Variants in CACNG3 observed in about 807,000 individuals in gnomAD.
CACNG3 encodes the protein voltage-dependent calcium channel gamma-3 subunit.
A neutral mutation model predicts 28.5 loss-of-function variants in CACNG3; 3 were observed. The observed-to-expected ratio is 0.11, with a 90% CI of 0.05 to 0.27. The LOEUF (loss-of-function observed/expected upper bound fraction) is 0.27. Ranked by LOEUF, CACNG3 falls within the 10% of genes least tolerant of loss-of-function variation. The pLI is 1.00. For synonymous variants in CACNG3, 174 were observed against 162.2 expected, an observed-to-expected ratio of 1.07 and a Z score of -0.55; for missense variants, 236 against 414.4, an observed-to-expected ratio of 0.57 and a Z score of 3.74.
chr16:24,305,320 ATGTGTGTGTGTGTGTGTG>A (rs57584370), intron 1 of CACNG3, among the ~76,000 whole-genome samples: 11,531 of 136,176 alleles, frequency 0.085, 597 homozygotes, highest in Non-Finnish European at 0.11. Flanking sequence ...ATACATAAAT[ATGTGTGTGTGTGTGTGTG>A]TGTGTGTGTG....
intron 1 of CACNG3, among the ~76,000 whole-genome samples, chr16:24,278,239 C>G (rs1898777479): frequency 6.6e-6 from 1 of 152,018 alleles, no homozygotes; most frequent in African/African-American, 2.4e-5. Flanking sequence ...TAAGAGCTTC[C>G]AATAAGACTG....
intron 1 of CACNG3, among the ~76,000 whole-genome samples, chr16:24,317,607 A>G (rs1567217434): frequency 9.4e-5 from 7 of 74,174 alleles, no homozygotes; most frequent in East Asian, 3.5e-4. Context: ...AGAAAGAAAG[A>G]AAGAAAGAAA....
chr16:24,258,297 A>G, intron 1 of CACNG3, among the ~76,000 whole-genome samples: 1 of 152,158 alleles, frequency 6.6e-6, no homozygotes, highest in East Asian at 1.9e-4. Flanking sequence ...TAGCGCTACT[A>G]CAATTGATTC....
intron 1 of CACNG3, among the ~76,000 whole-genome samples, chr16:24,329,816 C>G (rs1899608556): frequency 6.6e-6 from 1 of 152,158 alleles, no homozygotes; most frequent in African/African-American, 2.4e-5. Context: ...AGGTGGATTA[C>G]TTGAGGTCAG....
Position 24,256,732 on chromosome 16 carries a change from C to T in CACNG3, c.-23C>T. The T allele has an allele frequency of 1.3e-6, 2 of 1,538,264 alleles. No individual in the cohort carries two copies. The highest frequency in any genetic ancestry group is 1.8e-6 in the Non-Finnish European group (2 of 1,111,278). On this transcript the variant is annotated 5_prime_UTR_variant, in exon 1 of 4. Coordinates refer to ENST00000005284, the MANE Select transcript of CACNG3 (RefSeq NM_006539.4). The surrounding 1 kb of genome is among the most constrained non-coding windows in gnomAD (Gnocchi z 4.6). ...TGACTCTCCCCCTCCAACCCCCAGC[C>T]GTCCAGAGTACCATGAAGAATTATG...
chr16:24,272,365 A>C (rs2141347884), intron 1 of CACNG3, among the ~76,000 whole-genome samples: 1 of 152,204 alleles, frequency 6.6e-6, no homozygotes, highest in Non-Finnish European at 1.5e-5. Context: ...AATAGCCAAT[A>C]AATCTCTCTC....
chr16:24,313,073 G>GAGGAAGGAAGGAAGGAAGGA (rs71154300), intron 1 of CACNG3, among the ~76,000 whole-genome samples: 7,825 of 137,830 alleles, frequency 0.057, 365 homozygotes, highest in African/African-American at 0.083. Context: ...GCGAGGGAGG[G>GAGGAAGGAAGGAAGGAAGGA]AGGAAGGAAG....
At position 24,278,597 on chromosome 16, in the gene CACNG3, A is replaced by G. The variant is rs1898781941; in HGVS notation, c.211+21632A>G. ...CACCACTGCACTCCAGCCTGGCGAC[A>G]GAGGGAGACTCTGTCTAAAAATAAT... is the stretch of plus-strand genomic sequence containing the variant. On this transcript the variant is annotated intron_variant, in intron 1 of 3. Transcript: ENST00000005284. Among the ~76,000 whole-genome samples the G allele has an allele frequency of 1.3e-5, 2 of 152,180 alleles. 1 individual carries two copies. Among genetic ancestry groups the G allele is most frequent in the African/African-American group, 4.8e-5 (2 of 41,432 alleles).
chr16:24,269,861 T>G (rs1388175392), intron 1 of CACNG3, among the ~76,000 whole-genome samples: 1 of 150,842 alleles, frequency 6.6e-6, no homozygotes, highest in Non-Finnish European at 1.5e-5. Flanking sequence ...TGTTCATTTG[T>G]TGTTTTTTTT....
At chr16:24,340,613 A>G (rs1899772712) in intron 1 of CACNG3, among the ~76,000 whole-genome samples, 1 of 152,208 alleles carries the variant, frequency 6.6e-6, no homozygotes, top group South Asian at 2.1e-4. Flanking sequence ...CCTCATGTGA[A>G]GGAAGTACTT....
intron 1 of CACNG3, among the ~76,000 whole-genome samples, chr16:24,317,636 A>AGACAGAC (rs1567217588): frequency 9.6e-5 from 5 of 52,206 alleles, no homozygotes; most frequent in African/African-American, 2.3e-4. Flanking sequence ...GACAGACAGA[A>AGACAGAC]AGAAAGAAAA....
intron 1 of CACNG3, among the ~76,000 whole-genome samples, chr16:24,258,029 C>T (rs1898491506): frequency 6.6e-6 from 1 of 152,160 alleles, no homozygotes; most frequent in African/African-American, 2.4e-5. Flanking sequence ...TTTTCTTAGG[C>T]TTCCGAGAAA....
At chr16:24,355,585 A>G (rs1900020081) in intron 3 of CACNG3, among the ~76,000 whole-genome samples, 1 of 152,184 alleles carries the variant, frequency 6.6e-6, no homozygotes, top group Non-Finnish European at 1.5e-5. Flanking sequence ...CTCATCTCTA[A>G]AAAATAAATA....
chr16:24,266,497 G>T lies in CACNG3; in HGVS notation c.211+9532G>T, dbSNP rs139041343. 4.6e-3 allele frequency among the ~76,000 whole-genome samples: 703 copies of T among 152,166 alleles called. 14 individuals are homozygous for T. The highest frequency in any genetic ancestry group is 3.9e-3 in the Admixed American group (60 of 15,282). The stretch of plus-strand genomic sequence containing the variant: ...ATCCAAACATAGATGGTAATCAAAG[G>T]TATGACTGTACACAAGAAATGCCAG... On this transcript the variant is annotated intron_variant, in intron 1 of 3. Transcript: ENST00000005284.
At chr16:24,346,441 A>C (rs150954826) in intron 1 of CACNG3, among the ~76,000 whole-genome samples, 3 of 152,302 alleles carry the variant, frequency 2.0e-5, no homozygotes, top group African/African-American at 7.2e-5. Flanking sequence ...AGCCAGGCAT[A>C]GTGGCACATG....
At chr16:24,352,451 G>A (rs76007387) in intron 2 of CACNG3, among the ~76,000 whole-genome samples, 14,723 of 152,154 alleles carry the variant, frequency 0.097, 954 homozygotes, top group Non-Finnish European at 0.12. Context: ...ATCTGCCAGC[G>A]TGTTACCACC....
intron 1 of CACNG3, among the ~76,000 whole-genome samples, chr16:24,325,922 T>C (rs949537865): frequency 1.3e-5 from 2 of 152,232 alleles, no homozygotes; most frequent in African/African-American, 2.4e-5. Flanking sequence ...ACATAAGCTA[T>C]TGGCTGATGG....
At chr16:24,313,736 T>TTTA (rs1899308295) in intron 1 of CACNG3, among the ~76,000 whole-genome samples, 7 of 151,640 alleles carry the variant, frequency 4.6e-5, no homozygotes, top group South Asian at 2.1e-4. Flanking sequence ...ACTTTTATGT[T>TTTA]TTTATTTATT....
intron 1 of CACNG3, among the ~76,000 whole-genome samples, chr16:24,333,928 C>A (rs113378571): frequency 5.3e-5 from 8 of 152,236 alleles, no homozygotes; most frequent in African/African-American, 1.9e-4. Context: ...GGAGCAGAAC[C>A]CCAGCCTCAG....
Sources: allele counts gnomAD v4.1 joint callset (sites outside exome capture counted in the v4.1 genomes callset), GRCh38; gene constraint gnomAD v4.1.1; non-coding constraint Gnocchi (gnomAD v3.1); transcripts MANE v1.5; gene names NCBI Gene and HGNC (gene_info 2026-07-23, HGNC 2026-07-21).